Variants in AKAP6 observed in about 807,000 individuals in gnomAD.
AKAP6 encodes A-kinase anchor protein 6.
AKAP6 carries 58 observed loss-of-function variants against 188.5 expected under a neutral mutation model. The observed-to-expected ratio is 0.31, with a 90% CI of 0.25 to 0.38. The LOEUF is 0.38. Among genes scored for constraint, AKAP6 ranks in the 10% least tolerant of loss-of-function variants. AKAP6 has a pLI of 1.00. For synonymous variants in AKAP6, 989 were observed against 998.6 expected, an observed-to-expected ratio of 0.99 and a Z score of 0.18; for missense variants, 2,710 against 2,740.0, an observed-to-expected ratio of 0.99 and a Z score of 0.24.
intron 11 of AKAP6, among the ~76,000 whole-genome samples, chr14:32,761,373 C>T (rs28417279): frequency 1.3e-5 from 2 of 152,032 alleles, no homozygotes; most frequent in Admixed American, 6.6e-5. Context: ...CTTTTCCTAG[C>T]GTTTATACTT....
At chr14:32,644,876 G>A (rs1887920936) in intron 7 of AKAP6, among the ~76,000 whole-genome samples, 1 of 152,058 alleles carries the variant, frequency 6.6e-6, no homozygotes, top group Admixed American at 6.6e-5. Flanking sequence ...TCTTTGTCAG[G>A]ATAGACCTCT....
chr14:32,669,017 C>A (rs1404518436), intron 7 of AKAP6, among the ~76,000 whole-genome samples: 2 of 152,060 alleles, frequency 1.3e-5, no homozygotes, highest in African/African-American at 2.4e-5. Context: ...CTTTCTTTGG[C>A]AATATCTTTG....
intron 2 of AKAP6, among the ~76,000 whole-genome samples, chr14:32,515,506 C>A (rs866934280): frequency 6.6e-6 from 1 of 152,078 alleles, no homozygotes; most frequent in African/African-American, 2.4e-5. Flanking sequence ...TTCTGGGTAA[C>A]TAAAGCTTGG....
intron 7 of AKAP6, among the ~76,000 whole-genome samples, chr14:32,630,002 G>A (rs1214416678): frequency 6.6e-6 from 1 of 152,140 alleles, no homozygotes; most frequent in South Asian, 2.1e-4. Context: ...GAGAGGAAAA[G>A]AAAACTGCCT....
chr14:32,721,003 C>T (rs1194824165), intron 9 of AKAP6, among the ~76,000 whole-genome samples: 1 of 152,190 alleles, frequency 6.6e-6, no homozygotes, highest in Non-Finnish European at 1.5e-5. Context: ...AACTGAGTTT[C>T]ATTACATTAA....
At chr14:32,690,316 C>T (rs1374258837) in intron 8 of AKAP6, among the ~76,000 whole-genome samples, 1 of 152,044 alleles carries the variant, frequency 6.6e-6, no homozygotes, top group African/African-American at 2.4e-5. Context: ...GAAACTTTAT[C>T]GTTTAAGCAA....
intron 9 of AKAP6, among the ~76,000 whole-genome samples, chr14:32,715,190 C>T (rs142195348): frequency 2.0e-5 from 3 of 152,156 alleles, no homozygotes; most frequent in African/African-American, 4.8e-5. Flanking sequence ...AGCACAAAGA[C>T]ATTTTTCACC....
intron 4 of AKAP6, among the ~76,000 whole-genome samples, chr14:32,564,222 T>C (rs542976716): frequency 6.6e-6 from 1 of 152,302 alleles, no homozygotes; most frequent in African/African-American, 2.4e-5. Flanking sequence ...TCACCATCCA[T>C]TTTAAAGAAA....
At chr14:32,451,065 G>C (rs1890920076) in intron 2 of AKAP6, among the ~76,000 whole-genome samples, 1 of 152,098 alleles carries the variant, frequency 6.6e-6, no homozygotes, top group Non-Finnish European at 1.5e-5. Flanking sequence ...AAGTGGATTG[G>C]AATTTGGAAA....
At chr14:32,671,539 A>C (rs1037578454) in intron 7 of AKAP6, among the ~76,000 whole-genome samples, 4 of 151,696 alleles carry the variant, frequency 2.6e-5, no homozygotes, top group Admixed American at 6.6e-5. Flanking sequence ...TTTTGGGCTA[A>C]TGTGCAATAG....
intron 1 of AKAP6, among the ~76,000 whole-genome samples, chr14:32,343,193 TG>T (rs1401430527): frequency 6.7e-6 from 1 of 148,932 alleles, no homozygotes; most frequent in Non-Finnish European, 1.5e-5. Context: ...CTAACCTTTC[TG>T]GGTCCTATTT....
At chr14:32,436,746 G>A (rs1316421244) in intron 2 of AKAP6, among the ~76,000 whole-genome samples, 5 of 152,116 alleles carry the variant, frequency 3.3e-5, no homozygotes, top group Non-Finnish European at 7.4e-5. Context: ...AGACCAGACT[G>A]GGCAGCATGG....
At chr14:32,531,553 C>G (rs1419722557) in intron 2 of AKAP6, among the ~76,000 whole-genome samples, 2 of 152,140 alleles carry the variant, frequency 1.3e-5, no homozygotes, top group African/African-American at 2.4e-5. Context: ...CAGCTTAACC[C>G]ATGTGTAGAT....
At chr14:32,506,613 C>T (rs1235143477) in intron 2 of AKAP6, among the ~76,000 whole-genome samples, 1 of 152,046 alleles carries the variant, frequency 6.6e-6, no homozygotes, top group Non-Finnish European at 1.5e-5. Context: ...GAAGTCGAGG[C>T]AGGAGGATTG....
At chr14:32,570,867 T>C (rs1884448058) in intron 4 of AKAP6, among the ~76,000 whole-genome samples, 1 of 152,216 alleles carries the variant, frequency 6.6e-6, no homozygotes, top group East Asian at 1.9e-4. Context: ...TCTTCTCTTC[T>C]GATTCCTGCA....
intron 11 of AKAP6, among the ~76,000 whole-genome samples, chr14:32,758,965 G>A (rs556234815): frequency 6.6e-6 from 1 of 152,214 alleles, no homozygotes; most frequent in East Asian, 1.9e-4. Flanking sequence ...CATAGAGTTT[G>A]CTAACATTTT....
In AKAP6 at chr14:32,686,277, C is replaced by G. The variant is rs147636452; in HGVS notation, c.2879+7818C>G. On this transcript the variant is annotated intron_variant, in intron 8 of 13. Coordinates refer to ENST00000280979, the MANE Select transcript of AKAP6 (RefSeq NM_004274.5). ...TCATGGAGACAGAGAAGGACAGTTA[C>G]TAGAGACTGGGAAGGGGTAGTAGAG... Among the ~76,000 whole-genome samples, 335 of 152,150 alleles carry G rather than the reference C, an allele frequency of 2.2e-3. 1 individual carries two copies. Among genetic ancestry groups the G allele is most frequent in the African/African-American group, 7.6e-3 (316 of 41,500 alleles).
At chr14:32,825,069 A>G (rs544331564) in intron 13 of AKAP6, among the ~76,000 whole-genome samples, 158 of 152,304 alleles carry the variant, frequency 1.0e-3, no homozygotes, top group Middle Eastern at 6.8e-3. Flanking sequence ...AATTTGAGGA[A>G]GTAGTTGAAC....
intron 1 of AKAP6, among the ~76,000 whole-genome samples, chr14:32,354,910 C>A (rs1285407904): frequency 6.6e-6 from 1 of 152,182 alleles, no homozygotes; most frequent in African/African-American, 2.4e-5. Context: ...CCTGGTGTAA[C>A]TAACTGTCAG....
Sources: gnomAD v4.1 joint callset for allele counts (sites outside exome capture counted in the v4.1 genomes callset) on GRCh38, gnomAD v4.1.1 for gene constraint, MANE v1.5 for transcripts, NCBI Gene and HGNC (gene_info 2026-07-23, HGNC 2026-07-21) for gene names.